The following PAFAH1B1 variants were observed in gnomAD, a reference collection of about 807,000 sequenced individuals.
PAFAH1B1 encodes platelet activating factor acetylhydrolase 1b regulatory subunit 1, also known as platelet-activating factor acetylhydrolase IB subunit beta.
A neutral mutation model predicts 57.5 loss-of-function variants in PAFAH1B1; 2 were observed. The observed-to-expected ratio is 0.03, with a 90% CI of 0.01 to 0.11. The LOEUF (loss-of-function observed/expected upper bound fraction) is 0.11. Ranked by LOEUF, PAFAH1B1 falls within the 10% of genes least tolerant of loss-of-function variation. The probability of loss-of-function intolerance (pLI) is 1.00; values close to 1 mark genes in which losing one functional copy is unlikely to be tolerated. For missense variants in PAFAH1B1, 257 were observed against 512.0 expected, an observed-to-expected ratio of 0.50 and a Z score of 4.81; for synonymous variants, 152 against 169.6, an observed-to-expected ratio of 0.90 and a Z score of 0.81.
chr17:2,629,371 G>A (rs1301385631), intron 1 of PAFAH1B1, among the ~76,000 whole-genome samples: 1 of 152,138 alleles, frequency 6.6e-6, no homozygotes, highest in Non-Finnish European at 1.5e-5. Context: ...TTCAGGAACA[G>A]GTTATTTAAT....
At chr17:2,654,631 C>T (rs1456573472) in intron 2 of PAFAH1B1, among the ~76,000 whole-genome samples, 1 of 151,994 alleles carries the variant, frequency 6.6e-6, no homozygotes, top group Admixed American at 6.6e-5. Context: ...AAAATATTCT[C>T]AGTTTGTGTT....
intron 2 of PAFAH1B1, among the ~76,000 whole-genome samples, chr17:2,652,554 C>T (rs2151646410): frequency 6.6e-6 from 1 of 150,584 alleles, no homozygotes; most frequent in South Asian, 2.1e-4. Context: ...TGAGGTTTCT[C>T]CTGTGAATCT....
intron 1 of PAFAH1B1, among the ~76,000 whole-genome samples, chr17:2,604,821 A>T (rs1220296295): frequency 6.6e-6 from 1 of 152,036 alleles, no homozygotes; most frequent in South Asian, 2.1e-4. Context: ...AAAAAAAAAT[A>T]ATTGGAGTGA....
chr17:2,603,699 A>G (rs1597509471), intron 1 of PAFAH1B1, among the ~76,000 whole-genome samples: 1 of 151,832 alleles, frequency 6.6e-6, no homozygotes, highest in East Asian at 1.9e-4. Flanking sequence ...GAAGGGGGAA[A>G]ATCTTGATTG....
chr17:2,659,872 T>A (rs1398432707), intron 2 of PAFAH1B1, among the ~76,000 whole-genome samples: 2 of 152,164 alleles, frequency 1.3e-5, no homozygotes, highest in African/African-American at 4.8e-5. Flanking sequence ...TGTTTGAGAC[T>A]TGATTGATAT....
At chr17:2,639,159 A>T (rs1293731587) in intron 2 of PAFAH1B1, 1 of 152,106 alleles carries the variant, frequency 6.6e-6, no homozygotes, top group Non-Finnish European at 1.5e-5. Context: ...CGGCCTCCCA[A>T]AGTGCTGGGA....
At chr17:2,615,073 G>A (rs2068321011) in intron 1 of PAFAH1B1, among the ~76,000 whole-genome samples, 1 of 152,164 alleles carries the variant, frequency 6.6e-6, no homozygotes, top group South Asian at 2.1e-4. Flanking sequence ...AATGATAGTT[G>A]TGTCAGTACT....
At chr17:2,627,410 G>A (rs1169978426) in intron 1 of PAFAH1B1, among the ~76,000 whole-genome samples, 1 of 152,114 alleles carries the variant, frequency 6.6e-6, no homozygotes, top group Non-Finnish European at 1.5e-5. Flanking sequence ...TAAGTATTTG[G>A]GTTTATTTCT....
chr17:2,618,030 C>T (rs1365455381), intron 1 of PAFAH1B1, among the ~76,000 whole-genome samples: 5 of 152,144 alleles, frequency 3.3e-5, no homozygotes, highest in African/African-American at 4.8e-5. Flanking sequence ...GGGTGGATCA[C>T]GAGGTCATGA....
rs2068049721 is a variant in PAFAH1B1 at position 2,593,764 on chromosome 17, G to A, written c.-433G>A. On this transcript the variant is annotated 5_prime_UTR_variant, in exon 1 of 11. Transcript: ENST00000397195. ...CTAGGGAGCGAGAAGGAGAAGGAGG[G>A]GAGCGCTCGGGCGCGAGCGAGAGAA... The A allele has an allele frequency of 2.6e-6, 1 of 389,882 alleles. No homozygotes were observed. Among genetic ancestry groups the A allele is most frequent in the Non-Finnish European group, 4.5e-6 (1 of 220,750 alleles). 24.2% of individuals were successfully genotyped at this position (389,882 alleles called of 1,614,324 possible).
chr17:2,667,292 C>T lies in PAFAH1B1; in HGVS notation c.399+94C>T. ...GAGTTTGCAGTGAGCCGAGATTGCA[C>T]CACTGCACTCCAGCCTGGGCGACAG... On this transcript the variant is annotated intron_variant, in intron 5 of 10. Coordinates refer to ENST00000397195, the MANE Select transcript of PAFAH1B1 (RefSeq NM_000430.4). The T allele has an allele frequency of 4.7e-6, 4 of 855,584 alleles. No individual in the cohort carries two copies. In the East Asian group the frequency reaches 7.7e-5, roughly 16 times the overall value. The allele number at this position is 855,584 out of a possible 1,614,324, so 53.0% of individuals were successfully genotyped here.
intron 1 of PAFAH1B1, among the ~76,000 whole-genome samples, chr17:2,625,023 A>AT (rs57933573): frequency 0.18 from 26,157 of 143,128 alleles, 2,486 homozygotes; most frequent in South Asian, 0.31. Context: ...TATACTTTCT[A>AT]TTTTTTTTTT....
chr17:2,617,907 G>C (rs942428814), intron 1 of PAFAH1B1, among the ~76,000 whole-genome samples: 1 of 151,502 alleles, frequency 6.6e-6, no homozygotes, highest in African/African-American at 2.4e-5. Context: ...CTGGGCAACA[G>C]AGCGAGACTC....
At chr17:2,632,584 C>T (rs115226502) in intron 1 of PAFAH1B1, among the ~76,000 whole-genome samples, 2,903 of 152,184 alleles carry the variant, frequency 0.019, 98 homozygotes, top group African/African-American at 0.065. Context: ...CCCTCTGTAT[C>T]TGTGGGTTCT....
chr17:2,596,581 A>G (rs1166438085), intron 1 of PAFAH1B1, among the ~76,000 whole-genome samples: 4 of 152,168 alleles, frequency 2.6e-5, no homozygotes, highest in Non-Finnish European at 4.4e-5. Flanking sequence ...TAGGTGGTAA[A>G]TGTGACTTTG....
rs2069230010 is a variant in PAFAH1B1 at position 2,674,276 on chromosome 17, A to G, written c.888A>G (p.Ala296=). The change falls in exon 8 of 11, where the codon GCA becomes GCG. Residue 296 remains alanine, a synonymous_variant. Transcript: ENST00000397195. ...GCTCATATTCCTCCATCTCTGAAGCAACAGGATCTGAGGTACTGTATATAC... is the reference window on the plus strand; with the variant it reads ...GCTCATATTCCTCCATCTCTGAAGCGACAGGATCTGAGGTACTGTATATAC... The part of the protein sequence containing the change: ...PESSYSSISE[A]TGSETKKSGK... 6.2e-7 allele frequency: 1 copy of G among 1,610,746 alleles called. No homozygotes were observed. Among genetic ancestry groups the G allele is most frequent in the Non-Finnish European group, 8.5e-7 (1 of 1,176,922 alleles).
chr17:2,680,850 G>A (rs952416432), intron 10 of PAFAH1B1: 5 of 184,274 alleles, frequency 2.7e-5, no homozygotes, highest in African/African-American at 9.6e-5. Flanking sequence ...TCACAGGATT[G>A]GTTCAAGGAT....
In PAFAH1B1 at chr17:2,684,883, CTG is replaced by C. The variant is rs2069451337; in HGVS notation, c.*3086_*3087del. ...CTCTCCCGTTCGCCTCTTTCTGTTTCTGTGTGAACTTTCCCGGTAATATCACT... is the reference window on the plus strand; with the variant it reads ...CTCTCCCGTTCGCCTCTTTCTGTTTCTGTGAACTTTCCCGGTAATATCACT... On this transcript the variant is annotated 3_prime_UTR_variant, in exon 11 of 11. Transcript: ENST00000397195. 1 of 152,414 alleles carries C rather than the reference CTG, an allele frequency of 6.6e-6. No individual in the cohort carries two copies. The highest frequency in any genetic ancestry group is 1.5e-5 in the Non-Finnish European group (1 of 68,028). The allele number at this position is 152,414 out of a possible 1,614,324, so 9.4% of individuals were successfully genotyped here.
chr17:2,611,332 G>A (rs1012231922), intron 1 of PAFAH1B1, among the ~76,000 whole-genome samples: 5 of 151,974 alleles, frequency 3.3e-5, no homozygotes, highest in African/African-American at 1.2e-4. Context: ...ACCGAGCATG[G>A]TTGTGTGCGC....
Sources: gnomAD v4.1 joint callset for allele counts (sites outside exome capture counted in the v4.1 genomes callset) on GRCh38, gnomAD v4.1.1 for gene constraint, MANE v1.5 for transcripts, NCBI Gene and HGNC (gene_info 2026-07-23, HGNC 2026-07-21) for gene names.